Variants in TPD52L1 observed in about 807,000 individuals in gnomAD.
TPD52L1 encodes TPD52 like 1.
A neutral mutation model predicts 28.7 loss-of-function variants in TPD52L1; 18 were observed. The observed-to-expected ratio is 0.63, with a 90% confidence interval of 0.43 to 0.93. The LOEUF (loss-of-function observed/expected upper bound fraction) is 0.93. TPD52L1 is among the 40% of genes least tolerant of loss of function. The pLI is 0.00. For synonymous variants in TPD52L1, 75 were observed against 88.8 expected (o/e 0.84, Z 0.88); for missense variants, 203 against 254.8 (o/e 0.80, Z 1.39).
chr6:125,248,163 G>T, intron 3 of TPD52L1, 119 bp from the exon 4 acceptor site: 1 of 806,634 alleles, frequency 1.2e-6, no homozygotes, highest in Non-Finnish European at 2.0e-6. Context: ...GTGGTTTTGT[G>T]GATCTTCTTC....
At chr6:125,226,213 A>G (rs1795599564) in intron 2 of TPD52L1, among the ~76,000 whole-genome samples, 1 of 152,194 alleles carries the variant, frequency 6.6e-6, no homozygotes, top group South Asian at 2.1e-4. Flanking sequence ...AAATGGTTAG[A>G]ATTTTATTAT....
intron 4 of TPD52L1, among the ~76,000 whole-genome samples, chr6:125,249,750 A>G (rs886279748): frequency 1.3e-5 from 2 of 151,234 alleles, no homozygotes; most frequent in Non-Finnish European, 2.9e-5. Flanking sequence ...ATATCTTCCT[A>G]ACTTTACACT....
At chr6:125,184,487 G>A (rs540727602) in intron 1 of TPD52L1, among the ~76,000 whole-genome samples, 1 of 152,306 alleles carries the variant, frequency 6.6e-6, no homozygotes, top group African/African-American at 2.4e-5. Context: ...TTGGTCTGTG[G>A]CTCCAAAGAG....
chr6:125,205,030 T>A (rs528603727), intron 1 of TPD52L1, among the ~76,000 whole-genome samples: 1 of 152,332 alleles, frequency 6.6e-6, no homozygotes, highest in East Asian at 1.9e-4. Flanking sequence ...AATCTTTTGC[T>A]GTTCATTTGG....
chr6:125,227,670 A>G (rs1051294976), intron 2 of TPD52L1, among the ~76,000 whole-genome samples: 1 of 152,234 alleles, frequency 6.6e-6, no homozygotes, highest in Non-Finnish European at 1.5e-5. Flanking sequence ...TATTTCAGAA[A>G]ACAAAGATGT....
chr6:125,183,484 A>C (rs2114828904), intron 1 of TPD52L1, among the ~76,000 whole-genome samples: 1 of 152,310 alleles, frequency 6.6e-6, no homozygotes, highest in African/African-American at 2.4e-5. Context: ...ATCTCAAAAA[A>C]GAAAAAAGAA....
intron 1 of TPD52L1, 198 bp from the exon 2 acceptor site, chr6:125,219,880 C>G: frequency 1.7e-6 from 1 of 601,706 alleles, no homozygotes; most frequent in Non-Finnish European, 3.0e-6. Flanking sequence ...TAATTTTTTT[C>G]TTTTTTTGGC....
In TPD52L1 at chr6:125,178,955, T is replaced by A. The variant is rs2114812897; in HGVS notation, c.19+24985T>A. 2.0e-5 allele frequency among the ~76,000 whole-genome samples: 3 copies of A among 152,322 alleles called. No homozygotes were observed. The South Asian group carries it at 6.2e-4, about 32-fold the overall frequency. On this transcript the variant is annotated intron_variant, in intron 1 of 6. Coordinates refer to ENST00000534000, the MANE Select transcript of TPD52L1 (RefSeq NM_003287.4). ...TTATTATTGTTTGTCCACAACTCCC[T>A]GACTTCCAAAGGGAAACTTGTAGCC...
rs375861435 is a variant in TPD52L1, at chr6:125,165,085, G to C, written c.19+11115G>C. ...CAAAACCCCTGTCTCTTAAAAAAAAGATATATATATATATTTTAACTGTAT... is the reference window on the plus strand; with the variant it reads ...CAAAACCCCTGTCTCTTAAAAAAAACATATATATATATATTTTAACTGTAT... On this transcript the variant is annotated intron_variant, in intron 1 of 6. Transcript: ENST00000534000. Among the ~76,000 whole-genome samples the C allele has an allele frequency of 0.012, 549 of 46,630 alleles. 16 individuals are homozygous for C. The African/African-American group carries it at 0.13, about 11-fold the overall frequency. The allele number at this position is 46,630 out of a possible 152,430, so 30.6% of individuals were successfully genotyped here.
At chr6:125,247,443 G>A (rs773071955) in intron 3 of TPD52L1, among the ~76,000 whole-genome samples, 1 of 151,956 alleles carries the variant, frequency 6.6e-6, no homozygotes, top group Non-Finnish European at 1.5e-5. Context: ...ACAACCTTTG[G>A]TCTTGCTCTT....
chr6:125,248,343 A>T lies in TPD52L1; in HGVS notation c.346A>T (p.Asn116Tyr). Reference protein sequence around the residue: ...AGQKATAAFSNVGTAISKKFG... With the variant: ...AGQKATAAFSYVGTAISKKFG... ...GCAAAAGGCAACTGCAGCTTTCAGC[A>T]ACGTTGGAACGGCCATCAGCAAGAA... is the stretch of plus-strand genomic sequence containing the variant. The change falls in exon 4 of 7, where the codon AAC (asparagine) becomes TAC (tyrosine). Residue 116 changes from asparagine (N) to tyrosine (Y), a missense_variant. Physicochemically the swap from Asn to Tyr is moderately radical, Grantham distance 143. Coordinates refer to ENST00000534000, the MANE Select transcript of TPD52L1 (RefSeq NM_003287.4). 1 of 1,614,224 alleles carries T rather than the reference A, an allele frequency of 6.2e-7. No homozygotes were observed. The highest frequency in any genetic ancestry group is 8.5e-7 in the Non-Finnish European group (1 of 1,180,030).
chr6:125,211,561 T>C (rs1794515307), intron 1 of TPD52L1, among the ~76,000 whole-genome samples: 1 of 152,228 alleles, frequency 6.6e-6, no homozygotes, highest in Non-Finnish European at 1.5e-5. Flanking sequence ...CTCGTCTGTG[T>C]ATGCAGATTT....
intron 6 of TPD52L1, chr6:125,260,932 GA>G (rs1308756368): frequency 0.01 from 169 of 16,736 alleles, 7 homozygotes; most frequent in Admixed American, 0.021. Flanking sequence ...AAGAAAGAAA[GA>G]AAGAAAGAAA....
chr6:125,167,571 C>T (rs1790993288), intron 1 of TPD52L1, among the ~76,000 whole-genome samples: 1 of 152,180 alleles, frequency 6.6e-6, no homozygotes, highest in African/African-American at 2.4e-5. Context: ...TAAGAATACA[C>T]ATTCAGAACG....
intron 5 of TPD52L1, among the ~76,000 whole-genome samples, chr6:125,256,553 AT>A (rs1797614031): frequency 6.6e-6 from 1 of 152,242 alleles, no homozygotes; most frequent in Admixed American, 6.5e-5. Flanking sequence ...CAAAATGATT[AT>A]TTTTTTAAGG....
At chr6:125,238,380 T>C (rs1444279361) in intron 3 of TPD52L1, among the ~76,000 whole-genome samples, 2 of 152,222 alleles carry the variant, frequency 1.3e-5, no homozygotes, top group African/African-American at 2.4e-5. Context: ...TCAATAGTCT[T>C]TGGGAAACAG....
rs114076842 is a variant in TPD52L1, at chr6:125,160,328, A to G, written c.19+6358A>G. Reference sequence around the variant, plus strand: ...TCTATTTATAGAGCACATTTTCTAAATCTATAGATTTAGAATAATTATTTA... The same window carrying G: ...TCTATTTATAGAGCACATTTTCTAAGTCTATAGATTTAGAATAATTATTTA... On this transcript the variant is annotated intron_variant, in intron 1 of 6. Transcript: ENST00000534000. Among the ~76,000 whole-genome samples, 627 of 152,222 alleles carry G rather than the reference A, an allele frequency of 4.1e-3. 5 individuals are homozygous for G. The highest frequency in any genetic ancestry group is 0.014 in the African/African-American group (601 of 41,528).
At chr6:125,190,029 G>A (rs561820311) in intron 1 of TPD52L1, among the ~76,000 whole-genome samples, 2 of 152,000 alleles carry the variant, frequency 1.3e-5, no homozygotes, top group Admixed American at 6.6e-5. Flanking sequence ...TTGGGGTGTC[G>A]GTGGTGGTTA....
rs536159777 is a variant in TPD52L1, at chr6:125,213,441, A to G, written c.20-6637A>G. On this transcript the variant is annotated intron_variant, in intron 1 of 6. Coordinates refer to ENST00000534000, the MANE Select transcript of TPD52L1 (RefSeq NM_003287.4). ...GGTGCTGAAGTTTTTTGCAGATACT[A>G]CTCATGATCTTGTCTCCCTCAGCTG... Among the ~76,000 whole-genome samples the G allele has an allele frequency of 1.8e-4, 27 of 151,788 alleles. No homozygotes were observed. The South Asian group carries it at 5.0e-3, about 28-fold the overall frequency.
Sources: gnomAD v4.1 joint callset for allele counts (sites outside exome capture counted in the v4.1 genomes callset) on GRCh38, gnomAD v4.1.1 for gene constraint, MANE v1.5 for transcripts, NCBI Gene and HGNC (gene_info 2026-07-23, HGNC 2026-07-21) for gene names.